The following NRCAM variants were observed in gnomAD, a reference collection of about 807,000 sequenced individuals.
The protein encoded by NRCAM is neuronal cell adhesion molecule, also known as NgCAM-related cell adhesion molecule.
Under a neutral mutation model 156.5 loss-of-function variants are expected in NRCAM, and 83 were observed. The ratio of observed to expected loss-of-function variants is 0.53; its 90% confidence interval spans 0.44 to 0.64. NRCAM has a LOEUF of 0.64. Ranked by LOEUF, NRCAM falls within the 30% of genes least tolerant of loss-of-function variation. NRCAM has a pLI of 0.00. For synonymous variants in NRCAM, 538 were observed against 563.9 expected (o/e 0.95, Z 0.65); for missense variants, 1,417 against 1,597.3 (o/e 0.89, Z 1.92).
intron 1 of NRCAM, among the ~76,000 whole-genome samples, chr7:108,444,206 G>A (rs1841972902): frequency 1.3e-5 from 2 of 152,082 alleles, no homozygotes; most frequent in Non-Finnish European, 2.9e-5. Context: ...ATGTATGTAG[G>A]TTATACGCAA....
At chr7:108,284,374 G>T (rs530099609) in intron 3 of NRCAM, among the ~76,000 whole-genome samples, 2 of 152,204 alleles carry the variant, frequency 1.3e-5, no homozygotes, top group African/African-American at 4.8e-5. Flanking sequence ...TTGCAGGCCA[G>T]ACTTGGATAC....
intron 2 of NRCAM, among the ~76,000 whole-genome samples, chr7:108,364,311 C>T (rs949736261): frequency 3.9e-5 from 6 of 152,164 alleles, no homozygotes; most frequent in Admixed American, 3.3e-4. Context: ...TGAGATATCA[C>T]TTCACATCCA....
At chr7:108,166,794 A>G in intron 30 of NRCAM, 127 bp downstream of exon 30, 1 of 705,586 alleles carries the variant, frequency 1.4e-6, no homozygotes, top group Non-Finnish European at 2.2e-6. Flanking sequence ...CCAACCCAAC[A>G]GGGCCCCATA....
intron 32 of NRCAM, 181 bp downstream of exon 32, chr7:108,159,281 CA>C: frequency 1.4e-6 from 1 of 739,122 alleles, no homozygotes; most frequent in Non-Finnish European, 2.4e-6. Context: ...TTTAGTTTTT[CA>C]ATGAAAAATG....
chr7:108,319,282 T>C (rs1466811316), intron 2 of NRCAM, among the ~76,000 whole-genome samples: 2 of 152,216 alleles, frequency 1.3e-5, no homozygotes, highest in Non-Finnish European at 2.9e-5. Flanking sequence ...TTCTGTGTCC[T>C]TGAAAAGTTA....
chr7:108,277,752 T>A (rs1442502831), intron 3 of NRCAM, among the ~76,000 whole-genome samples: 3 of 152,156 alleles, frequency 2.0e-5, no homozygotes, highest in Admixed American at 1.3e-4. Flanking sequence ...CTCGTCAAAC[T>A]CATTCTCTAT....
chr7:108,219,044 C>CA (rs1310248649), intron 11 of NRCAM, among the ~76,000 whole-genome samples: 1 of 151,994 alleles, frequency 6.6e-6, no homozygotes, highest in Admixed American at 6.6e-5. Context: ...CTGACATCAC[C>CA]AAAATACAAA....
chr7:108,361,805 A>G (rs1381413699), intron 2 of NRCAM, among the ~76,000 whole-genome samples: 2 of 152,204 alleles, frequency 1.3e-5, no homozygotes, highest in African/African-American at 2.4e-5. Flanking sequence ...GTGGAAATGT[A>G]TAAGTATTTG....
At chr7:108,205,610 A>G (rs1563434994) in intron 13 of NRCAM, among the ~76,000 whole-genome samples, 1 of 152,188 alleles carries the variant, frequency 6.6e-6, no homozygotes, top group African/African-American at 2.4e-5. Flanking sequence ...CTGAGTCTAG[A>G]TCTCAGGGAC....
intron 13 of NRCAM, among the ~76,000 whole-genome samples, chr7:108,200,951 TAAG>T (rs1256150902): frequency 1.3e-5 from 2 of 151,952 alleles, no homozygotes; most frequent in African/African-American, 4.8e-5. Context: ...CACAAAGGCA[TAAG>T]AATGATATAT....
intron 2 of NRCAM, among the ~76,000 whole-genome samples, chr7:108,391,115 T>C (rs2099758312): frequency 7.9e-5 from 12 of 152,210 alleles, no homozygotes; most frequent in Admixed American, 7.9e-4. Context: ...TGAGTTCAAT[T>C]CCTGGATATC....
At chr7:108,406,980 T>C (rs1029744754) in intron 1 of NRCAM, among the ~76,000 whole-genome samples, 2 of 152,174 alleles carry the variant, frequency 1.3e-5, no homozygotes, top group Middle Eastern at 3.2e-3. Context: ...GCAGCTGATG[T>C]TTAATAATAT....
chr7:108,337,937 G>A (rs559854515), intron 2 of NRCAM, among the ~76,000 whole-genome samples: 3 of 152,160 alleles, frequency 2.0e-5, no homozygotes, highest in East Asian at 3.9e-4. Context: ...GGAAAATACC[G>A]GACACCTGTC....
At chr7:108,160,008 G>A (rs1384791971) in intron 31 of NRCAM, among the ~76,000 whole-genome samples, 1 of 152,050 alleles carries the variant, frequency 6.6e-6, no homozygotes, top group Non-Finnish European at 1.5e-5. Flanking sequence ...TGAAGACTTA[G>A]TTCATGCATT....
chr7:108,236,395 AT>A (rs1286871091), intron 5 of NRCAM, among the ~76,000 whole-genome samples: 8 of 152,010 alleles, frequency 5.3e-5, no homozygotes, highest in Non-Finnish European at 1.0e-4. Context: ...GGAATATCCC[AT>A]CCCCCTCCTT....
chr7:108,410,628 A>G (rs1475743724), intron 1 of NRCAM, among the ~76,000 whole-genome samples: 1 of 152,186 alleles, frequency 6.6e-6, no homozygotes, highest in Admixed American at 6.5e-5. Context: ...CTGAAGGTAG[A>G]TTTTACTTTA....
chr7:108,312,970 C>A (rs2098823657), intron 2 of NRCAM, among the ~76,000 whole-genome samples: 1 of 152,086 alleles, frequency 6.6e-6, no homozygotes, highest in African/African-American at 2.4e-5. Flanking sequence ...AGGATTCCAG[C>A]CTAGAGAATC....
intron 1 of NRCAM, among the ~76,000 whole-genome samples, chr7:108,439,178 G>A: frequency 6.6e-6 from 1 of 152,066 alleles, no homozygotes. Context: ...GAAGTTGAGT[G>A]AGGAGATAAA....
chr7:108,222,912 G>C lies in NRCAM; in HGVS notation c.890+813C>G, dbSNP rs28373916. Reference sequence around the variant, plus strand: ...CAGAGCTAACATCACAGTTGCTTTTGTATTTGGGCAAGGCCTCCCTGCAAC... The same window carrying C: ...CAGAGCTAACATCACAGTTGCTTTTCTATTTGGGCAAGGCCTCCCTGCAAC... On this transcript the variant is annotated intron_variant, in intron 11 of 32. Coordinates refer to ENST00000379028, the MANE Select transcript of NRCAM (RefSeq NM_001037132.4). Among the ~76,000 whole-genome samples the C allele has an allele frequency of 5.5e-3, 842 of 152,310 alleles. 8 individuals are homozygous for C. The highest frequency in any genetic ancestry group is 0.019 in the African/African-American group (797 of 41,568).
Sources: allele counts gnomAD v4.1 joint callset (sites outside exome capture counted in the v4.1 genomes callset), GRCh38; gene constraint gnomAD v4.1.1; transcripts MANE v1.5; gene names NCBI Gene and HGNC (gene_info 2026-07-23, HGNC 2026-07-21).